SESN3: variants seen among roughly 807,000 people sequenced by gnomAD.
SESN3 encodes sestrin-3.
SESN3 carries 21 observed loss-of-function variants against 55.3 expected under a neutral mutation model. The ratio of observed to expected loss-of-function variants is 0.38; its 90% CI spans 0.27 to 0.55. SESN3 has a LOEUF of 0.55. Among genes scored for constraint, SESN3 ranks in the 20% least tolerant of loss-of-function variants. SESN3 has a pLI of 0.76. For missense variants in SESN3, 408 were observed against 604.3 expected (o/e 0.68, Z 3.41); for synonymous variants, 181 against 203.1 (o/e 0.89, Z 0.93).
intron 1 of SESN3, among the ~76,000 whole-genome samples, chr11:95,218,643 CCCT>C (rs1281084914): frequency 1.3e-5 from 2 of 148,388 alleles, no homozygotes; most frequent in Non-Finnish European, 3.0e-5. Flanking sequence ...CATAGATTTA[CCCT>C]CTTTTTTTTT....
At chr11:95,182,944 T>C (rs1001040462) in intron 6 of SESN3, among the ~76,000 whole-genome samples, 23 of 152,232 alleles carry the variant, frequency 1.5e-4, no homozygotes, top group African/African-American at 5.3e-4. Context: ...TTAAGATTTA[T>C]CTTAGAGCCA....
In SESN3 at chr11:95,191,584, T is replaced by C; in HGVS notation, c.162A>G (p.Thr54=). 1 of 1,612,360 alleles carries C rather than the reference T, an allele frequency of 6.2e-7. No homozygotes were observed. Among genetic ancestry groups the C allele is most frequent in the Non-Finnish European group, 8.5e-7 (1 of 1,178,950 alleles). ...IPEKEVVQAN[T]VDERTNFLVE... ...CAAGAAAGTTAGTACGTTCATCCACTGTGTTTGCTTGGACAACCTTATAAC... is the reference window on the plus strand; with the variant it reads ...CAAGAAAGTTAGTACGTTCATCCACCGTGTTTGCTTGGACAACCTTATAAC... The change falls in exon 3 of 10, where the codon ACA becomes ACG. Residue 54 remains threonine (T), a synonymous_variant. Transcript: ENST00000536441.
chr11:95,231,783 A>T (rs1268451679), upstream of SESN3: 2 of 152,214 alleles, frequency 1.3e-5, no homozygotes, highest in African/African-American at 4.8e-5. Flanking sequence ...GTATCCAGGG[A>T]TCTCAAAGAA....
At chr11:95,194,827 G>A (rs1353207419) in intron 1 of SESN3, among the ~76,000 whole-genome samples, 3 of 151,998 alleles carry the variant, frequency 2.0e-5, no homozygotes, top group East Asian at 1.9e-4. Context: ...AAAAAATTTC[G>A]AACACTCTCT....
chr11:95,170,354 C>T lies in SESN3; in HGVS notation c.*2901G>A, dbSNP rs1347639046. 6.6e-6 allele frequency: 1 copy of T among 152,174 alleles called. No individual in the cohort carries two copies. The highest frequency in any genetic ancestry group is 1.5e-5 in the Non-Finnish European group (1 of 68,038). The allele number at this position is 152,174 out of a possible 1,614,324, so 9.4% of individuals were successfully genotyped here. ...AGTAAATAGACATTATTCAAGCATA[C>T]ACATCAGTGGACTATGAAGACTAAT... On this transcript the variant is annotated 3_prime_UTR_variant, in exon 10 of 10. Coordinates refer to ENST00000536441, the MANE Select transcript of SESN3 (RefSeq NM_144665.4).
intron 1 of SESN3, among the ~76,000 whole-genome samples, chr11:95,217,651 TAA>T (rs66946901): frequency 1.3e-3 from 179 of 137,860 alleles, no homozygotes; most frequent in South Asian, 1.7e-3. Context: ...AGACTCCGTT[TAA>T]AAAAAAAAAA....
chr11:95,176,721 T>C (rs1433565911), intron 8 of SESN3, among the ~76,000 whole-genome samples: 2 of 152,236 alleles, frequency 1.3e-5, no homozygotes, highest in South Asian at 2.1e-4. Flanking sequence ...CCAACAGATA[T>C]ATTCACCACA....
At chr11:95,210,696 C>T (rs966460290) in intron 1 of SESN3, among the ~76,000 whole-genome samples, 2 of 152,122 alleles carry the variant, frequency 1.3e-5, no homozygotes, top group African/African-American at 4.8e-5. Context: ...TTAAGCATAG[C>T]TCTTATTAAA....
In SESN3 at chr11:95,185,322, G is replaced by C. The variant is rs745526994; in HGVS notation, c.696C>G (p.Phe232Leu). Residue 232 changes from phenylalanine to leucine, a missense_variant, in exon 5 of 10, where the codon TTC (phenylalanine) becomes TTG (leucine). By Grantham distance (22) the Phe-to-Leu change is conservative. Transcript: ENST00000536441. ...TGTCATTAGCAAGATCACAAACGCA[G>C]AAATTGTTGACTGATATTAGCCTGA... is the stretch of plus-strand genomic sequence containing the variant. The part of the protein sequence containing the change: ...NGFRLISVNN[F>L]CVCDLANDNN... 2 of 1,612,810 alleles carry C rather than the reference G, an allele frequency of 1.2e-6. No homozygotes were observed. The highest frequency in any genetic ancestry group is 2.7e-5 in the African/African-American group (2 of 74,570).
At chr11:95,224,735 A>G (rs996797448) in intron 1 of SESN3, among the ~76,000 whole-genome samples, 1 of 152,212 alleles carries the variant, frequency 6.6e-6, no homozygotes, top group African/African-American at 2.4e-5. Flanking sequence ...CTTGAATTTT[A>G]TCACTGGCAG....
intron 9 of SESN3, among the ~76,000 whole-genome samples, chr11:95,175,235 G>C (rs1003364747): frequency 6.6e-6 from 1 of 152,008 alleles, no homozygotes; most frequent in Non-Finnish European, 1.5e-5. Context: ...GTGGTGGCAG[G>C]CACCTGTAAT....
chr11:95,186,564 T>C (rs1474279018), intron 4 of SESN3, among the ~76,000 whole-genome samples: 2 of 151,870 alleles, frequency 1.3e-5, no homozygotes, highest in Admixed American at 6.6e-5. Context: ...AGGATGACTA[T>C]AGTTAACAAT....
At chr11:95,207,320 A>C (rs762755836) in intron 1 of SESN3, among the ~76,000 whole-genome samples, 17 of 151,584 alleles carry the variant, frequency 1.1e-4, no homozygotes, top group Non-Finnish European at 2.2e-4. Context: ...CCCAAAGAGT[A>C]ATAAACAAAG....
Position 95,167,475 on chromosome 11 carries a change from C to CCCCATATATAT in SESN3, c.*5779_*5780insATATATATGGG, listed in dbSNP as rs563322416. 2.7e-5 allele frequency: 4 copies of CCCCATATATAT among 150,816 alleles called. No homozygotes were observed. Among genetic ancestry groups the CCCCATATATAT allele is most frequent in the African/African-American group, 9.9e-5 (4 of 40,216 alleles). The allele number at this position is 150,816 out of a possible 1,614,324, so 9.3% of individuals were successfully genotyped here. On this transcript the variant is annotated 3_prime_UTR_variant, in exon 10 of 10. Coordinates refer to ENST00000536441, the MANE Select transcript of SESN3 (RefSeq NM_144665.4). ...TCAGATATTCATTCTGTTTCCCCCC[C>CCCCATATATAT]ATATATATAATTTTTCATTCTGTAC... is the stretch of plus-strand genomic sequence containing the variant.
chr11:95,221,894 G>C (rs1018478276), intron 1 of SESN3, among the ~76,000 whole-genome samples: 2 of 152,158 alleles, frequency 1.3e-5, no homozygotes, highest in African/African-American at 4.8e-5. Flanking sequence ...GCTAGTTATG[G>C]GGTAGTCTGG....
chr11:95,192,921 G>T (rs1860294433), intron 2 of SESN3, among the ~76,000 whole-genome samples: 1 of 151,298 alleles, frequency 6.6e-6, no homozygotes, highest in Non-Finnish European at 1.5e-5. Flanking sequence ...GGATGCTTAA[G>T]ATACATTAAT....
At chr11:95,192,773 C>T (rs558938172) in intron 2 of SESN3, among the ~76,000 whole-genome samples, 1 of 152,200 alleles carries the variant, frequency 6.6e-6, no homozygotes, top group African/African-American at 2.4e-5. Flanking sequence ...CTTTGATTTG[C>T]TCACTTCCCC....
At chr11:95,228,897 C>G (rs1265078302) in intron 1 of SESN3, among the ~76,000 whole-genome samples, 3 of 152,114 alleles carry the variant, frequency 2.0e-5, no homozygotes, top group Non-Finnish European at 4.4e-5. Context: ...TTCCTAAAAG[C>G]TAAAGGAAAG....
intron 8 of SESN3, among the ~76,000 whole-genome samples, chr11:95,176,896 T>C (rs764569905): frequency 2.1e-4 from 32 of 152,184 alleles, no homozygotes; most frequent in Non-Finnish European, 4.1e-4. Context: ...AGTTATTACA[T>C]ACAACCATAA....
Sources: allele counts gnomAD v4.1 joint callset (sites outside exome capture counted in the v4.1 genomes callset), GRCh38; gene constraint gnomAD v4.1.1; transcripts MANE v1.5; gene names NCBI Gene and HGNC (gene_info 2026-07-23, HGNC 2026-07-21).